The following IGF2BP2 variants were observed in gnomAD, a reference collection of about 807,000 sequenced individuals.
The protein encoded by IGF2BP2 is insulin like growth factor 2 mRNA binding protein 2, also known as insulin-like growth factor 2 mRNA-binding protein 2.
In IGF2BP2, 17 loss-of-function variants were observed where a neutral mutation model predicts 75.8. The observed-to-expected ratio is 0.22, with a 90% CI of 0.15 to 0.34. The LOEUF (loss-of-function observed/expected upper bound fraction) is 0.34, where lower values mean the gene tolerates loss of function less well. Among genes scored for constraint, IGF2BP2 ranks in the 10% least tolerant of loss-of-function variants. The pLI is 1.00. For synonymous variants in IGF2BP2, 288 were observed against 295.6 expected (o/e 0.97, Z 0.26); for missense variants, 516 against 772.4 (o/e 0.67, Z 3.93).
chr3:185,765,542 G>A (rs754286707), intron 2 of IGF2BP2, among the ~76,000 whole-genome samples: 19 of 152,032 alleles, frequency 1.2e-4, no homozygotes, highest in African/African-American at 2.2e-4. Context: ...ATTTCTAGAT[G>A]CCAGTGTACC....
At chr3:185,789,409 G>A (rs923324776) in intron 2 of IGF2BP2, among the ~76,000 whole-genome samples, 1 of 152,060 alleles carries the variant, frequency 6.6e-6, no homozygotes, top group East Asian at 1.9e-4. Flanking sequence ...AACTTAAGCT[G>A]GGGGAAAAGA....
chr3:185,665,169 T>C (rs1475289738), intron 10 of IGF2BP2, among the ~76,000 whole-genome samples: 2 of 96,768 alleles, frequency 2.1e-5, no homozygotes, highest in Admixed American at 1.3e-4. Flanking sequence ...CCCTGTTTCT[T>C]AAAAAAAAAA....
At chr3:185,755,659 A>G (rs1039449663) in intron 2 of IGF2BP2, among the ~76,000 whole-genome samples, 1 of 152,320 alleles carries the variant, frequency 6.6e-6, no homozygotes, top group African/African-American at 2.4e-5. Flanking sequence ...GATGTGGGAC[A>G]TGGAGTTAAG....
At chr3:185,819,161 T>C (rs1001694066) in intron 2 of IGF2BP2, among the ~76,000 whole-genome samples, 7 of 152,142 alleles carry the variant, frequency 4.6e-5, no homozygotes, top group Admixed American at 3.9e-4. Context: ...CATCTCTTAC[T>C]GGTCATCTTA....
chr3:185,823,233 G>C lies in IGF2BP2; in HGVS notation c.179-20C>G. 6.3e-7 allele frequency: 1 copy of C among 1,597,510 alleles called. No homozygotes were observed. On this transcript the variant is annotated intron_variant, in intron 1 of 15. Transcript: ENST00000382199. Reference sequence around the variant, plus strand: ...CTTTACCTTTAAAACAGAAATTAAAGCACTCAGAACCTTGCTTAGATCAAG... The same window carrying C: ...CTTTACCTTTAAAACAGAAATTAAACCACTCAGAACCTTGCTTAGATCAAG...
intron 2 of IGF2BP2, among the ~76,000 whole-genome samples, chr3:185,733,906 T>A (rs1728519906): frequency 6.6e-6 from 1 of 151,886 alleles, no homozygotes. Context: ...TGAAGAAAAA[T>A]TAAAAACTGG....
Position 185,782,710 on chromosome 3 carries a change from A to G in IGF2BP2, c.239+40443T>C, listed in dbSNP as rs563453443. Among the ~76,000 whole-genome samples the G allele has an allele frequency of 9.2e-5, 14 of 152,346 alleles. No individual in the cohort carries two copies. The South Asian group carries it at 2.7e-3, about 29-fold the overall frequency. ...ACTGGTCTTACCTGAAAATAGCTAC[A>G]TAACTGTGTCCACACAGTGACTAGA... On this transcript the variant is annotated intron_variant, in intron 2 of 15. Coordinates refer to ENST00000382199, the MANE Select transcript of IGF2BP2 (RefSeq NM_006548.6).
At chr3:185,743,960 C>T (rs1236117475) in intron 2 of IGF2BP2, among the ~76,000 whole-genome samples, 2 of 152,128 alleles carry the variant, frequency 1.3e-5, no homozygotes, top group African/African-American at 4.8e-5. Flanking sequence ...TAAGTCTACA[C>T]CTAAAGGGTT....
chr3:185,665,737 C>T (rs899906056), intron 10 of IGF2BP2, among the ~76,000 whole-genome samples: 3 of 152,084 alleles, frequency 2.0e-5, no homozygotes, highest in Admixed American at 6.5e-5. Flanking sequence ...GAGGCCAAGG[C>T]GGGCAGATTA....
At chr3:185,762,366 T>TAAA (rs529395141) in intron 2 of IGF2BP2, among the ~76,000 whole-genome samples, 24,945 of 104,978 alleles carry the variant, frequency 0.24, 3,098 homozygotes, top group African/African-American at 0.34. Context: ...AGGCTTTACT[T>TAAA]AAAAAAAAAA....
At chr3:185,749,828 C>T (rs1730724708) in intron 2 of IGF2BP2, among the ~76,000 whole-genome samples, 1 of 152,168 alleles carries the variant, frequency 6.6e-6, no homozygotes, top group South Asian at 2.1e-4. Context: ...AAGCCAAGAG[C>T]ATGAATTAGG....
chr3:185,742,161 G>A (rs1443566541), intron 2 of IGF2BP2, among the ~76,000 whole-genome samples: 1 of 150,568 alleles, frequency 6.6e-6, no homozygotes, highest in African/African-American at 2.4e-5. Context: ...GACCAGTCTG[G>A]GCAACACAGT....
rs1377223061 is a variant in IGF2BP2 at position 185,644,590 on chromosome 3, G to T, written c.*941C>A. On this transcript the variant is annotated 3_prime_UTR_variant, in exon 16 of 16. Transcript: ENST00000382199. Reference sequence around the variant, plus strand: ...TGATACTCAGAGCACTGCTTTGCCTGGGGGGGGGGGGGTGCGTAGATACGG... The same window carrying T: ...TGATACTCAGAGCACTGCTTTGCCTTGGGGGGGGGGGGTGCGTAGATACGG... 1.3e-4 allele frequency: 2 copies of T among 15,608 alleles called. No individual in the cohort carries two copies. Among genetic ancestry groups the T allele is most frequent in the Non-Finnish European group, 4.0e-4 (2 of 4,966 alleles). The allele number at this position is 15,608 out of a possible 1,614,324, so 1.0% of individuals were successfully genotyped here.
intron 2 of IGF2BP2, among the ~76,000 whole-genome samples, chr3:185,796,065 T>C (rs554559318): frequency 6.6e-6 from 1 of 152,282 alleles, no homozygotes; most frequent in East Asian, 1.9e-4. Context: ...GACATACTTT[T>C]TGATGTCCGA....
intron 2 of IGF2BP2, among the ~76,000 whole-genome samples, chr3:185,744,763 T>A (rs1293248408): frequency 6.6e-6 from 1 of 152,210 alleles, no homozygotes; most frequent in Non-Finnish European, 1.5e-5. Flanking sequence ...GAGCTGAGAC[T>A]GTGCCATTGC....
At chr3:185,648,805 TCTC>T (rs1157260517) in intron 14 of IGF2BP2, among the ~76,000 whole-genome samples, 2 of 152,064 alleles carry the variant, frequency 1.3e-5, no homozygotes, top group Non-Finnish European at 2.9e-5. Context: ...CAAAAAACAA[TCTC>T]CTCCTTGCCC....
intron 7 of IGF2BP2, among the ~76,000 whole-genome samples, chr3:185,681,434 A>C (rs1720371505): frequency 6.6e-6 from 1 of 152,218 alleles, no homozygotes; most frequent in South Asian, 2.1e-4. Context: ...AAGAAATTTA[A>C]AGGCACAAAT....
chr3:185,781,422 C>A (rs1735185123), intron 2 of IGF2BP2, among the ~76,000 whole-genome samples: 1 of 152,100 alleles, frequency 6.6e-6, no homozygotes, highest in Non-Finnish European at 1.5e-5. Context: ...AGGTAAGTGA[C>A]ACCTGGAAGC....
At chr3:185,715,367 G>C (rs576774246) in intron 2 of IGF2BP2, among the ~76,000 whole-genome samples, 1 of 152,224 alleles carries the variant, frequency 6.6e-6, no homozygotes, top group African/African-American at 2.4e-5. Flanking sequence ...AAACCACGAG[G>C]GTGATAAACC....
Sources: allele counts gnomAD v4.1 joint callset (sites outside exome capture counted in the v4.1 genomes callset), GRCh38; gene constraint gnomAD v4.1.1; transcripts MANE v1.5; gene names NCBI Gene and HGNC (gene_info 2026-07-23, HGNC 2026-07-21).